KLHL13: variants seen among roughly 807,000 people sequenced by gnomAD.
KLHL13 encodes kelch like family member 13.
In KLHL13, 10 loss-of-function variants were observed where a neutral mutation model predicts 37.1. That is an observed-to-expected ratio of 0.27 (90% CI 0.17 to 0.46). KLHL13 has a LOEUF of 0.46. KLHL13 is among the 20% of genes least tolerant of loss of function. KLHL13 has a pLI of 1.00. For synonymous variants in KLHL13, 163 were observed against 181.2 expected (o/e 0.90, Z 0.81); for missense variants, 360 against 509.3 (o/e 0.71, Z 2.82).
At chrX:118,110,673 G>A (rs1192883460) in intron 1 of KLHL13, among the ~76,000 whole-genome samples, 1 of 111,101 alleles carries the variant, frequency 9.0e-6, no homozygotes, top group African/African-American at 3.3e-5. Flanking sequence ...CACCATGCCC[G>A]GCCTTCTCTT....
At chrX:118,079,617 A>G (rs893769184) in intron 1 of KLHL13, among the ~76,000 whole-genome samples, 4 of 110,858 alleles carry the variant, frequency 3.6e-5, no homozygotes, top group Admixed American at 2.9e-4. Flanking sequence ...GAGCACTATA[A>G]AACACTGCTG....
intron 2 of KLHL13, among the ~76,000 whole-genome samples, chrX:117,944,484 C>A (rs1249891434): frequency 9.0e-6 from 1 of 111,593 alleles, no homozygotes; most frequent in Non-Finnish European, 1.9e-5. Flanking sequence ...GGTGAAATTA[C>A]ATTTAAACAC....
At chrX:117,973,393 C>G (rs1429139305) in exon 1 of KLHL13, 14 of 969,872 alleles carry the variant, frequency 1.4e-5, no homozygotes, top group East Asian at 7.6e-5. Flanking sequence ...TCAGCATAGC[C>G]TTAGGCTACC....
At chrX:117,971,870 A>G (rs1419402447) in intron 1 of KLHL13, among the ~76,000 whole-genome samples, 3 of 111,750 alleles carry the variant, frequency 2.7e-5, no homozygotes, top group Non-Finnish European at 5.7e-5. Flanking sequence ...TCAAATTTAA[A>G]ACATTCTTTT....
intron 2 of KLHL13, among the ~76,000 whole-genome samples, chrX:117,930,338 AAGGC>A (rs1196852934): frequency 1.6e-4 from 17 of 103,692 alleles, no homozygotes; most frequent in African/African-American, 5.9e-4. Context: ...GGAAGGCAGG[AAGGC>A]AGGCAGGCAG....
chrX:117,909,989 C>A lies in KLHL13; in HGVS notation c.678G>T (p.Leu226Phe). Residue 226 changes from leucine (L) to phenylalanine (F), a missense_variant, in exon 5 of 7, where the codon TTG becomes TTT. Leu to Phe is a conservative substitution (Grantham distance 22). Coordinates refer to ENST00000262820, the Ensembl canonical transcript of KLHL13. ...GTTTCAAGAACTCCCCTGTGCTCAG[C>A]AATGCAGGAAAATTCTTCAAGACGA... 8.3e-7 allele frequency: 1 copy of A among 1,209,776 alleles called. No individual in the cohort carries two copies. The highest frequency in any genetic ancestry group is 1.7e-5 in the African/African-American group (1 of 57,703).
chrX:117,917,446 A>T (rs1172250991), intron 4 of KLHL13, among the ~76,000 whole-genome samples: 3 of 111,641 alleles, frequency 2.7e-5, no homozygotes, highest in African/African-American at 9.8e-5. Flanking sequence ...ATTTAAGGCA[A>T]TATTAAGTGT....
chrX:117,942,824 C>T (rs12839781), intron 2 of KLHL13, among the ~76,000 whole-genome samples: 79 of 111,390 alleles, frequency 7.1e-4, no homozygotes, highest in African/African-American at 2.3e-3. Context: ...AGCATATTTA[C>T]ATTTAAGGTT....
chrX:118,029,849 A>T (rs73597429), intron 1 of KLHL13, among the ~76,000 whole-genome samples: 20,009 of 109,391 alleles, frequency 0.18, 2,683 homozygotes, highest in African/African-American at 0.47. Flanking sequence ...GTGCCTGTAG[A>T]CCCAGCTACT....
At chrX:117,917,324 G>C (rs1182437619) in intron 4 of KLHL13, among the ~76,000 whole-genome samples, 1 of 111,119 alleles carries the variant, frequency 9.0e-6, no homozygotes, top group African/African-American at 3.3e-5. Flanking sequence ...AAAACTGAGA[G>C]GTAGGAGTAA....
At chrX:117,983,566 G>T (rs2053689653) in intron 1 of KLHL13, 1 of 1,069,379 alleles carries the variant, frequency 9.4e-7, no homozygotes, top group Admixed American at 2.8e-5. Flanking sequence ...AGTGCAAAAA[G>T]AAACCTGGTT....
At chrX:117,913,839 CAAAAAAAAGAAAAAA>C (rs1214652820) in intron 4 of KLHL13, among the ~76,000 whole-genome samples, 4 of 76,132 alleles carry the variant, frequency 5.3e-5, no homozygotes, top group Non-Finnish European at 2.5e-5. Context: ...AAGACTCCAT[CAAAAAAAAGAAAAAA>C]AAAAAAAAGA....
intron 1 of KLHL13, among the ~76,000 whole-genome samples, chrX:118,016,350 T>G (rs920034199): frequency 3.6e-5 from 4 of 111,483 alleles, no homozygotes; most frequent in Non-Finnish European, 7.6e-5. Flanking sequence ...ATTCCTAGAA[T>G]CTATACTAAA....
At chrX:117,985,209 C>T in intron 1 of KLHL13, 1 of 1,029,193 alleles carries the variant, frequency 9.7e-7, no homozygotes, top group Non-Finnish European at 1.3e-6. Flanking sequence ...TAAGTAACAG[C>T]AGTAAATAAA....
At chrX:117,906,139 T>C (rs1172022864) in intron 5 of KLHL13, among the ~76,000 whole-genome samples, 1 of 111,708 alleles carries the variant, frequency 9.0e-6, no homozygotes, top group Admixed American at 9.6e-5. Flanking sequence ...TAATTTATTA[T>C]AACAGATGTT....
chrX:118,099,906 AGAAG>A (rs1341529272), intron 1 of KLHL13, among the ~76,000 whole-genome samples: 6 of 91,247 alleles, frequency 6.6e-5, no homozygotes, highest in Non-Finnish European at 9.7e-5. Context: ...AAGGAAGGAA[AGAAG>A]GAAGGAAGAA....
At chrX:117,975,696 C>G (rs1053102999), upstream of KLHL13, among the ~76,000 whole-genome samples, 1 of 112,076 alleles carries the variant, frequency 8.9e-6, no homozygotes, top group Non-Finnish European at 1.9e-5. Flanking sequence ...TGGTCTACTT[C>G]ACCTTCTGAG....
chrX:117,978,841 G>T (rs1602620494), intron 1 of KLHL13, among the ~76,000 whole-genome samples: 3 of 75,766 alleles, frequency 4.0e-5, no homozygotes, highest in African/African-American at 5.3e-5. Context: ...ATTCCCATCT[G>T]TTTAAAAAAA....
chrX:118,096,484 A>G (rs187993852), intron 1 of KLHL13, among the ~76,000 whole-genome samples: 18 of 111,792 alleles, frequency 1.6e-4, no homozygotes, highest in African/African-American at 5.5e-4. Flanking sequence ...ATTCACAGAC[A>G]AATTCTACCA....
Sources: gnomAD v4.1 joint callset for allele counts (sites outside exome capture counted in the v4.1 genomes callset) on GRCh38, gnomAD v4.1.1 for gene constraint, MANE v1.5 for transcripts, NCBI Gene and HGNC (gene_info 2026-07-23, HGNC 2026-07-21) for gene names.